The following GLG1 variants were observed in gnomAD, a reference collection of about 807,000 sequenced individuals.
GLG1 encodes golgi glycoprotein 1.
Under a neutral mutation model 160.5 loss-of-function variants are expected in GLG1, and 38 were observed. The observed-to-expected ratio is 0.24, with a 90% CI of 0.18 to 0.31. GLG1 has a LOEUF of 0.31. Among genes scored for constraint, GLG1 ranks in the 10% least tolerant of loss-of-function variants. The pLI, the probability that GLG1 is intolerant of heterozygous loss-of-function variation, is 1.00. For missense variants in GLG1, 1,373 were observed against 1,505.2 expected (o/e 0.91, Z 1.45); for synonymous variants, 644 against 543.4 (o/e 1.19, Z -2.57).
chr16:74,576,610 T>C (rs1288873994), intron 1 of GLG1, among the ~76,000 whole-genome samples: 1 of 152,232 alleles, frequency 6.6e-6, no homozygotes, highest in Non-Finnish European at 1.5e-5. Context: ...GGGCTGGATC[T>C]GTCCCTTGGA....
intron 12 of GLG1, among the ~76,000 whole-genome samples, chr16:74,477,089 T>C (rs2015411292): frequency 6.6e-6 from 1 of 152,210 alleles, no homozygotes; most frequent in African/African-American, 2.4e-5. Flanking sequence ...AAATCTTATA[T>C]ACCTGTAAGA....
intron 8 of GLG1, among the ~76,000 whole-genome samples, chr16:74,488,651 G>C (rs2015874861): frequency 6.6e-6 from 1 of 151,820 alleles, no homozygotes; most frequent in Non-Finnish European, 1.5e-5. Flanking sequence ...GTGGAGTCTT[G>C]CTCTATTGCC....
chr16:74,597,719 T>C (rs529669552), intron 1 of GLG1, among the ~76,000 whole-genome samples: 2 of 152,038 alleles, frequency 1.3e-5, no homozygotes, highest in African/African-American at 2.4e-5. Context: ...CCGGGCATGG[T>C]GGCGGGCGCC....
chr16:74,592,138 A>G (rs1597379507), intron 1 of GLG1, among the ~76,000 whole-genome samples: 1 of 151,922 alleles, frequency 6.6e-6, no homozygotes, highest in African/African-American at 2.4e-5. Context: ...TCTGTAATTT[A>G]TTCACTGATT....
chr16:74,501,059 G>C (rs928857472), intron 4 of GLG1, among the ~76,000 whole-genome samples: 1 of 152,208 alleles, frequency 6.6e-6, no homozygotes, highest in Non-Finnish European at 1.5e-5. Flanking sequence ...TTCAGTGGCA[G>C]CAAATTTGAA....
intron 1 of GLG1, among the ~76,000 whole-genome samples, chr16:74,533,823 ATC>A (rs1324661886): frequency 6.6e-6 from 1 of 152,154 alleles, no homozygotes; most frequent in East Asian, 1.9e-4. Context: ...TAGTATTCGA[ATC>A]TGTTTATATA....
At chr16:74,520,580 G>A (rs776876021) in intron 2 of GLG1, among the ~76,000 whole-genome samples, 9 of 152,186 alleles carry the variant, frequency 5.9e-5, no homozygotes, top group Non-Finnish European at 7.4e-5. Context: ...TGGTTGCAGT[G>A]AGCCAAGATC....
At chr16:74,595,861 C>T (rs903407901) in intron 1 of GLG1, among the ~76,000 whole-genome samples, 18 of 152,282 alleles carry the variant, frequency 1.2e-4, no homozygotes, top group African/African-American at 4.1e-4. Flanking sequence ...CAGTGGCTCA[C>T]GCTTGTAATC....
chr16:74,494,403 CTTTTTTTT>C (rs3973383), intron 6 of GLG1, among the ~76,000 whole-genome samples: 1 of 70,128 alleles, frequency 1.4e-5, no homozygotes, highest in Non-Finnish European at 2.5e-5. Context: ...ATTGAGAAAG[CTTTTTTTT>C]TTTTTTTTTT....
At chr16:74,540,082 T>A (rs191114779) in intron 1 of GLG1, among the ~76,000 whole-genome samples, 94 of 1,080 alleles carry the variant, frequency 0.087, 40 homozygotes, top group African/African-American at 0.12. Context: ...TATATATATT[T>A]TATATATATA....
chr16:74,471,809 G>A lies in GLG1; in HGVS notation c.2116-523C>T, dbSNP rs556917483. Among the ~76,000 whole-genome samples, 4 of 152,182 alleles carry A rather than the reference G, an allele frequency of 2.6e-5. No homozygotes were observed. The East Asian group carries it at 5.8e-4, about 22-fold the overall frequency. On this transcript the variant is annotated intron_variant, in intron 14 of 25. Transcript: ENST00000422840. ...CCCTGTTCCATCTCTTCTTAAAAAG[G>A]GCAACTCAGTAACTGCTGCTGGCCA...
intron 16 of GLG1, 36 bp downstream of exon 16, chr16:74,469,949 C>A: frequency 7.7e-7 from 1 of 1,304,458 alleles, no homozygotes; most frequent in Non-Finnish European, 1.1e-6. Flanking sequence ...AGAGGAACTT[C>A]GGGAAAGTGG....
At chr16:74,528,549 C>T (rs575125436) in intron 2 of GLG1, among the ~76,000 whole-genome samples, 2 of 151,842 alleles carry the variant, frequency 1.3e-5, no homozygotes, top group Non-Finnish European at 2.9e-5. Context: ...TGGTGGCTCA[C>T]ACCTATAATC....
rs61227281 is a variant in GLG1, at chr16:74,559,582, C to A, written c.439-27429G>T. On this transcript the variant is annotated intron_variant, in intron 1 of 25. Coordinates refer to ENST00000422840, the MANE Select transcript of GLG1 (RefSeq NM_001145667.2). Reference sequence around the variant, plus strand: ...CAGGCTCTCTCCTCCTCAAACCTCTCTCATCTTAATTTTAGAGAGTGAAAT... The same window carrying A: ...CAGGCTCTCTCCTCCTCAAACCTCTATCATCTTAATTTTAGAGAGTGAAAT... 8.5e-3 allele frequency among the ~76,000 whole-genome samples: 1,298 copies of A among 152,258 alleles called. 14 individuals are homozygous for A. The highest frequency in any genetic ancestry group is 0.029 in the African/African-American group (1,212 of 41,540).
intron 1 of GLG1, among the ~76,000 whole-genome samples, chr16:74,533,342 A>C (rs2017598848): frequency 6.6e-6 from 1 of 152,092 alleles, no homozygotes; most frequent in Non-Finnish European, 1.5e-5. Flanking sequence ...AACAAAACAA[A>C]ACAAAACTTT....
intron 1 of GLG1, among the ~76,000 whole-genome samples, chr16:74,590,489 C>T (rs1425140593): frequency 6.6e-6 from 1 of 151,242 alleles, no homozygotes; most frequent in East Asian, 2.0e-4. Context: ...GGCGTAGTGG[C>T]GGGCGCCTGT....
chr16:74,589,009 A>G (rs1353598616), intron 1 of GLG1, among the ~76,000 whole-genome samples: 3 of 151,262 alleles, frequency 2.0e-5, no homozygotes, highest in African/African-American at 7.3e-5. Context: ...TGGGAGGCTG[A>G]GGGGGGTGGA....
intron 4 of GLG1, among the ~76,000 whole-genome samples, chr16:74,497,931 C>T (rs1004203006): frequency 8.5e-5 from 13 of 152,166 alleles, no homozygotes; most frequent in African/African-American, 2.7e-4. Flanking sequence ...TTACACAAAA[C>T]GCTTCTGAGA....
chr16:74,516,521 C>T (rs907365113), intron 2 of GLG1, among the ~76,000 whole-genome samples: 8 of 152,146 alleles, frequency 5.3e-5, no homozygotes, highest in Admixed American at 1.3e-4. Context: ...AACAAAGACA[C>T]AACACACCAG....
Sources: gnomAD v4.1 joint callset for allele counts (sites outside exome capture counted in the v4.1 genomes callset) on GRCh38, gnomAD v4.1.1 for gene constraint, MANE v1.5 for transcripts, NCBI Gene and HGNC (gene_info 2026-07-23, HGNC 2026-07-21) for gene names.